Variants in MRPL14 observed in about 807,000 individuals in gnomAD.
MRPL14 encodes the protein mitochondrial ribosomal protein L14.
A neutral mutation model predicts 10.9 loss-of-function variants in MRPL14; 8 were observed. The observed-to-expected ratio is 0.74, with a 90% confidence interval of 0.43 to 1.33. The LOEUF is 1.33. Among genes scored for constraint, MRPL14 ranks in the 40% most tolerant of loss-of-function variants. MRPL14 has a pLI of 0.01. For missense variants in MRPL14, 179 were observed against 194.5 expected (o/e 0.92, Z 0.47); for synonymous variants, 82 against 74.1 (o/e 1.11, Z -0.54).
intron 2 of MRPL14, 91 bp from the exon 3 acceptor site, chr6:44,114,300 C>T: frequency 6.9e-7 from 1 of 1,439,378 alleles, no homozygotes; most frequent in Non-Finnish European, 9.3e-7. Flanking sequence ...GGAGAATGTA[C>T]ATGTCAGCAA....
rs939940984 is a variant in MRPL14 at position 44,116,752 on chromosome 6, A to T, written c.-18-123T>A. On this transcript the variant is annotated intron_variant, in intron 1 of 2. Coordinates refer to ENST00000372014, the MANE Select transcript of MRPL14 (RefSeq NM_032111.4). ...ACAAGATCATTAGTCACAAAATATA[A>T]ATCTTAGTGGTTAAAGGATACACAG... 4 of 670,958 alleles carry T rather than the reference A, an allele frequency of 6.0e-6. No individual in the cohort carries two copies. The African/African-American group carries it at 7.2e-5, about 12-fold the overall frequency. 41.6% of individuals were successfully genotyped at this position (670,958 alleles called of 1,614,324 possible).
chr6:44,121,820 G>A (rs1336960877), intron 1 of MRPL14, among the ~76,000 whole-genome samples: 1 of 151,960 alleles, frequency 6.6e-6, no homozygotes, highest in Non-Finnish European at 1.5e-5. Flanking sequence ...CGTGCCTGTA[G>A]TCCCAGCTAC....
intron 1 of MRPL14, among the ~76,000 whole-genome samples, chr6:44,123,764 G>C (rs1245649146): frequency 1.3e-5 from 2 of 152,178 alleles, no homozygotes; most frequent in African/African-American, 2.4e-5. Context: ...ACACCACTTT[G>C]GGAGGCTGAG....
chr6:44,113,986 TG>T lies in MRPL14; in HGVS notation c.294del (p.Arg99AspfsTer59). 1 of 1,614,128 alleles carries T rather than the reference TG, an allele frequency of 6.2e-7. No individual in the cohort carries two copies. Among genetic ancestry groups the T allele is most frequent in the Non-Finnish European group, 8.5e-7 (1 of 1,179,992 alleles). On this transcript the variant is annotated frameshift_variant, in exon 3 of 3. Coordinates refer to ENST00000372014, the MANE Select transcript of MRPL14 (RefSeq NM_032111.4). LOFTEE classifies it high-confidence loss of function. Reference protein sequence around the residue: ...GHCMPGPRMTPRFDSNNVVLI... With the variant: ...GHCMPGPRMTXRFDSNNVVLI... ...AGGACCACGTTGTTGGAGTCGAATC[TG>T]GGGGTCATTCGGGGGCCAGGCATGC...
At position 44,113,850 on chromosome 6, in the gene MRPL14, A is replaced by C. The variant is rs1775570488; in HGVS notation, c.431T>G (p.Phe144Cys). The C allele has an allele frequency of 6.4e-7, 1 of 1,554,010 alleles. No homozygotes were observed. The highest frequency in any genetic ancestry group is 1.9e-5 in the Admixed American group (1 of 53,648). Residue 144 changes from phenylalanine (F) to cysteine (C), a missense_variant, in exon 3 of 3, where the codon TTT becomes TGT. Coordinates refer to ENST00000372014, the MANE Select transcript of MRPL14 (RefSeq NM_032111.4). ...YSKVLAIAQN[F>C]V ...CAGAGGCCTGGGCTCAACTCACACAAAGTTCTGAGCAATGGCCAGCACCTT... is the reference window on the plus strand; with the variant it reads ...CAGAGGCCTGGGCTCAACTCACACACAGTTCTGAGCAATGGCCAGCACCTT...
At chr6:44,117,845 T>G (rs907113808) in intron 1 of MRPL14, among the ~76,000 whole-genome samples, 10 of 111,986 alleles carry the variant, frequency 8.9e-5, no homozygotes, top group Admixed American at 2.7e-4. Context: ...TTTGTGTTTT[T>G]TTTTTTTTTT....
At chr6:44,114,253 G>T in intron 2 of MRPL14, 44 bp from the exon 3 acceptor site, 1 of 1,568,122 alleles carries the variant, frequency 6.4e-7, no homozygotes, top group Non-Finnish European at 8.6e-7. Flanking sequence ...TATCTCTTAT[G>T]GTCAGGGTGC....
chr6:44,119,465 T>C (rs915023512), intron 1 of MRPL14, among the ~76,000 whole-genome samples: 2 of 151,982 alleles, frequency 1.3e-5, no homozygotes, highest in Non-Finnish European at 1.5e-5. Flanking sequence ...GAGGCAAAGG[T>C]TGCAGTGAGC....
chr6:44,121,398 C>G (rs1569889), intron 1 of MRPL14, among the ~76,000 whole-genome samples: 91,703 of 150,610 alleles, frequency 0.61, 29,285 homozygotes, highest in East Asian at 0.82. Flanking sequence ...AAAGAAAAAA[C>G]AAATTCATAC....
At chr6:44,117,445 C>A (rs1775957034) in intron 1 of MRPL14, among the ~76,000 whole-genome samples, 1 of 152,170 alleles carries the variant, frequency 6.6e-6, no homozygotes, top group South Asian at 2.1e-4. Flanking sequence ...TCAGAAAGGC[C>A]TGTAGCCAGC....
chr6:44,118,491 T>C (rs1308482118), intron 1 of MRPL14, among the ~76,000 whole-genome samples: 1 of 152,030 alleles, frequency 6.6e-6, no homozygotes, highest in African/African-American at 2.4e-5. Flanking sequence ...AGTCCAAGAG[T>C]GTTCCAACCG....
Position 44,113,701 on chromosome 6 carries a change from A to G in MRPL14, c.*142T>C. 1 of 800,854 alleles carries G rather than the reference A, an allele frequency of 1.2e-6. No homozygotes were observed. The allele number at this position is 800,854 out of a possible 1,614,324, so 49.6% of individuals were successfully genotyped here. ...AAGCTCTGGAAAAACACATAAATGAATACATTTATTCTCTCACAGGATACT... is the reference window on the plus strand; with the variant it reads ...AAGCTCTGGAAAAACACATAAATGAGTACATTTATTCTCTCACAGGATACT... On this transcript the variant is annotated 3_prime_UTR_variant, in exon 3 of 3. Coordinates refer to ENST00000372014, the MANE Select transcript of MRPL14 (RefSeq NM_032111.4).
chr6:44,122,398 A>T (rs1465210156), intron 1 of MRPL14, among the ~76,000 whole-genome samples: 1 of 152,086 alleles, frequency 6.6e-6, no homozygotes, highest in Non-Finnish European at 1.5e-5. Context: ...GCTCATTTTT[A>T]GCTACTCTGA....
intron 1 of MRPL14, among the ~76,000 whole-genome samples, chr6:44,123,663 G>C (rs1267987721): frequency 6.6e-6 from 1 of 152,194 alleles, no homozygotes; most frequent in Non-Finnish European, 1.5e-5. Flanking sequence ...AACATGTCTA[G>C]GGTTCTTGTC....
At chr6:44,118,904 C>T (rs1562099405) in intron 1 of MRPL14, among the ~76,000 whole-genome samples, 2 of 152,112 alleles carry the variant, frequency 1.3e-5, no homozygotes, top group South Asian at 4.1e-4. Context: ...GTGGAAGTTG[C>T]GGTGAGCCGA....
At chr6:44,123,689 T>A (rs1776665104) in intron 1 of MRPL14, among the ~76,000 whole-genome samples, 1 of 152,248 alleles carries the variant, frequency 6.6e-6, no homozygotes, top group Non-Finnish European at 1.5e-5. Flanking sequence ...TTTGTTTATA[T>A]AACTTATGCC....
intron 1 of MRPL14, among the ~76,000 whole-genome samples, chr6:44,120,078 C>T (rs117374461): frequency 6.6e-6 from 1 of 152,272 alleles, no homozygotes; most frequent in East Asian, 1.9e-4. Flanking sequence ...CAGGCCTCCT[C>T]TCTGCACCTT....
At chr6:44,115,298 TCTC>T (rs1336698946) in intron 2 of MRPL14, among the ~76,000 whole-genome samples, 1 of 151,986 alleles carries the variant, frequency 6.6e-6, no homozygotes, top group African/African-American at 2.4e-5. Context: ...ATATTTCCAC[TCTC>T]CTCAACTCCC....
intron 1 of MRPL14, among the ~76,000 whole-genome samples, chr6:44,124,882 C>T (rs1221250875): frequency 1.3e-5 from 2 of 152,172 alleles, no homozygotes; most frequent in Non-Finnish European, 2.9e-5. Context: ...GAGACCCCCC[C>T]TACAGCCCTA....
Sources: gnomAD v4.1 joint callset for allele counts (sites outside exome capture counted in the v4.1 genomes callset) on GRCh38, gnomAD v4.1.1 for gene constraint, MANE v1.5 for transcripts, NCBI Gene and HGNC (gene_info 2026-07-23, HGNC 2026-07-21) for gene names.